Variants in ZFAT observed in about 807,000 individuals in gnomAD.
The protein encoded by ZFAT is zinc finger protein ZFAT.
In ZFAT, 64 loss-of-function variants were observed where a neutral mutation model predicts 117.7. That is an observed-to-expected ratio of 0.54 (90% CI 0.44 to 0.67). The LOEUF is 0.67. Among genes scored for constraint, ZFAT ranks in the 30% least tolerant of loss-of-function variants. ZFAT has a pLI of 0.00. For missense variants in ZFAT, 1,433 were observed against 1,584.5 expected (o/e 0.90, Z 1.62); for synonymous variants, 679 against 615.0 (o/e 1.10, Z -1.54).
chr8:134,522,335 C>T (rs1219100140), intron 12 of ZFAT, among the ~76,000 whole-genome samples: 1 of 152,256 alleles, frequency 6.6e-6, no homozygotes, highest in Admixed American at 6.5e-5. Flanking sequence ...GACTTTAAGG[C>T]CAATAACCTT....
At position 134,601,534 on chromosome 8, in the gene ZFAT, T is replaced by C. The variant is rs781027307; in HGVS notation, c.2185A>G (p.Thr729Ala). Residue 729 changes from threonine (T) to alanine (A), a missense_variant, in exon 6 of 16, where the codon ACC (threonine) becomes GCC (alanine). Thr to Ala is a moderately conservative substitution (Grantham distance 58). Coordinates refer to ENST00000377838, the MANE Select transcript of ZFAT (RefSeq NM_020863.4). ...TTCCGGATCCGCTCACACAAGCTGGTGTTCATTTGCTTCTTCTGTAAACTG... is the reference window on the plus strand; with the variant it reads ...TTCCGGATCCGCTCACACAAGCTGGCGTTCATTTGCTTCTTCTGTAAACTG... ...LNSLQKKQMN[T>A]SLCERIRKVY... The C allele has an allele frequency of 1.9e-6, 3 of 1,614,202 alleles. No homozygotes were observed. The highest frequency in any genetic ancestry group is 2.2e-5 in the South Asian group (2 of 91,080).
intron 10 of ZFAT, among the ~76,000 whole-genome samples, chr8:134,567,026 C>T (rs1824517940): frequency 6.6e-6 from 1 of 152,148 alleles, no homozygotes; most frequent in Non-Finnish European, 1.5e-5. Flanking sequence ...TATAACTGAC[C>T]CTAACTGACC....
chr8:134,804,564 A>G, the ZFAT span, among the ~76,000 whole-genome samples: 1 of 152,222 alleles, frequency 6.6e-6, no homozygotes, highest in Non-Finnish European at 1.5e-5. Context: ...TTGGGATGTT[A>G]AACTCCAGCC....
the ZFAT span, among the ~76,000 whole-genome samples, chr8:134,769,332 G>A: frequency 6.6e-6 from 1 of 152,190 alleles, no homozygotes; most frequent in Non-Finnish European, 1.5e-5. Flanking sequence ...TCCAAGTGGG[G>A]GAAATTGGCC....
intron 11 of ZFAT, among the ~76,000 whole-genome samples, chr8:134,544,758 A>G (rs544140413): frequency 1.2e-4 from 19 of 152,118 alleles, no homozygotes; most frequent in Non-Finnish European, 2.2e-4. Context: ...TCATGAAGAT[A>G]AAAGTAAAAC....
chr8:134,563,359 T>C (rs945120840), intron 11 of ZFAT, among the ~76,000 whole-genome samples: 5 of 152,344 alleles, frequency 3.3e-5, no homozygotes, highest in Non-Finnish European at 7.3e-5. Flanking sequence ...AGCACAAGAC[T>C]AGGAGTGAAA....
intron 11 of ZFAT, among the ~76,000 whole-genome samples, chr8:134,563,731 A>C (rs1449806155): frequency 6.6e-6 from 1 of 152,224 alleles, no homozygotes; most frequent in Non-Finnish European, 1.5e-5. Context: ...ATGAACATGC[A>C]GTTCCTGGTA....
chr8:134,575,713 C>G (rs913878125), intron 10 of ZFAT, among the ~76,000 whole-genome samples: 14 of 152,182 alleles, frequency 9.2e-5, no homozygotes, highest in Non-Finnish European at 2.1e-4. Flanking sequence ...GTTTTCCCTA[C>G]TCTACCTCCT....
the ZFAT span, among the ~76,000 whole-genome samples, chr8:134,735,828 T>G: frequency 6.6e-6 from 1 of 152,158 alleles, no homozygotes; most frequent in Non-Finnish European, 1.5e-5. Context: ...GCCCAGTAGG[T>G]TAAAATATAT....
At chr8:134,577,702 C>T (rs1294568393) in intron 10 of ZFAT, among the ~76,000 whole-genome samples, 1 of 152,090 alleles carries the variant, frequency 6.6e-6, no homozygotes, top group Non-Finnish European at 1.5e-5. Context: ...GCTTGTGAAG[C>T]TTACAATCTA....
At chr8:134,479,690 T>A (rs894630149) in intron 15 of ZFAT, among the ~76,000 whole-genome samples, 9 of 152,134 alleles carry the variant, frequency 5.9e-5, no homozygotes, top group Admixed American at 3.3e-4. Context: ...CCCATTCATT[T>A]CCAGGTGAGT....
At chr8:134,590,828 G>A (rs573458372) in intron 7 of ZFAT, among the ~76,000 whole-genome samples, 2 of 150,846 alleles carry the variant, frequency 1.3e-5, no homozygotes, top group African/African-American at 2.4e-5. Context: ...ACATCACCAC[G>A]ACCCCCCTCA....
chr8:134,771,044 C>T, the ZFAT span, among the ~76,000 whole-genome samples: 1 of 152,206 alleles, frequency 6.6e-6, no homozygotes, highest in South Asian at 2.1e-4. Context: ...CCTGTGATCT[C>T]GCCCTCCCTC....
At position 134,545,086 on chromosome 8, in the gene ZFAT, T is replaced by C. The variant is rs369812608; in HGVS notation, c.2977-12114A>G. On this transcript the variant is annotated intron_variant, in intron 11 of 15. Transcript: ENST00000377838. ...TGCAATTGAATGAATAATTACATCA[T>C]GCTAGGTTCACATGGTGGACTCATG... is the stretch of plus-strand genomic sequence containing the variant. 3.3e-5 allele frequency among the ~76,000 whole-genome samples: 5 copies of C among 152,222 alleles called. No individual in the cohort carries two copies. The South Asian group carries it at 1.0e-3, about 32-fold the overall frequency.
intron 11 of ZFAT, among the ~76,000 whole-genome samples, chr8:134,560,002 T>C (rs1433821100): frequency 1.3e-5 from 2 of 152,182 alleles, no homozygotes; most frequent in Admixed American, 6.5e-5. Context: ...GAAAGTATTA[T>C]CTTAAAATCC....
the ZFAT span, among the ~76,000 whole-genome samples, chr8:134,774,154 C>T: frequency 6.6e-6 from 1 of 151,902 alleles, no homozygotes; most frequent in Non-Finnish European, 1.5e-5. Flanking sequence ...CACCACCACG[C>T]TCGGCTAATT....
intron 2 of ZFAT, among the ~76,000 whole-genome samples, chr8:134,649,345 T>C (rs1017705028): frequency 2.0e-5 from 3 of 151,894 alleles, no homozygotes; most frequent in Non-Finnish European, 4.4e-5. Context: ...ATACAAAGAA[T>C]CCAGATTAGA....
At chr8:134,715,073 A>G (rs957755448), upstream of ZFAT, among the ~76,000 whole-genome samples, 2 of 152,246 alleles carry the variant, frequency 1.3e-5, no homozygotes, top group African/African-American at 4.8e-5. Flanking sequence ...CTGTCAGGAA[A>G]TTAGAGTTGT....
chr8:134,714,119 C>A (rs1354450152), upstream of ZFAT, among the ~76,000 whole-genome samples: 19 of 107,934 alleles, frequency 1.8e-4, no homozygotes, highest in African/African-American at 4.3e-4. Flanking sequence ...CCCCCCCCCC[C>A]CAAAAAAAAA....
Sources: gnomAD v4.1 joint callset for allele counts (sites outside exome capture counted in the v4.1 genomes callset) on GRCh38, gnomAD v4.1.1 for gene constraint, MANE v1.5 for transcripts, NCBI Gene and HGNC (gene_info 2026-07-23, HGNC 2026-07-21) for gene names.